Variants in RALYL observed in about 807,000 individuals in gnomAD.
RALYL encodes RNA-binding Raly-like protein.
RALYL carries 29 observed loss-of-function variants against 35.1 expected under a neutral mutation model. That is an observed-to-expected ratio of 0.83 (90% CI 0.61 to 1.13). The LOEUF is 1.13. RALYL is among the 50% of genes most tolerant of loss of function. The probability of loss-of-function intolerance (pLI) is 0.00; values close to 1 mark genes in which losing one functional copy is unlikely to be tolerated. For synonymous variants in RALYL, 120 were observed against 127.6 expected, an observed-to-expected ratio of 0.94 and a Z score of 0.40; for missense variants, 359 against 360.4, an observed-to-expected ratio of 1.00 and a Z score of 0.03.
At position 84,557,770 on chromosome 8, in the gene RALYL, GA is replaced by G. The variant is rs139628822; in HGVS notation, c.256+28203del. Among the ~76,000 whole-genome samples the G allele has an allele frequency of 6.7e-3, 973 of 144,526 alleles. 8 individuals carry two copies. Among genetic ancestry groups the G allele is most frequent in the African/African-American group, 0.022 (889 of 39,512 alleles). 94.8% of individuals were successfully genotyped at this position (144,526 alleles called of 152,430 possible). A position where few individuals can be genotyped will look rare whatever the true frequency, so the allele number is the denominator to read the frequency against. On this transcript the variant is annotated intron_variant, in intron 2 of 8. Coordinates refer to ENST00000521268, the MANE Select transcript of RALYL (RefSeq NM_173848.7). ...TTGCTATGATTTCCTGGCCTAATGA[GA>G]AAAAAAAAACAAATGCTGATTAATA...
chr8:84,547,972 T>A lies in RALYL; in HGVS notation c.256+18395T>A, dbSNP rs796660142. Among the ~76,000 whole-genome samples the A allele has an allele frequency of 2.6e-5, 4 of 152,154 alleles. No individual in the cohort carries two copies. The East Asian group carries it at 5.8e-4, about 22-fold the overall frequency. On this transcript the variant is annotated intron_variant, in intron 2 of 8. Coordinates refer to ENST00000521268, the MANE Select transcript of RALYL (RefSeq NM_173848.7). ...ATCCTCAAAGTTGTAGCCTTTATCC[T>A]TGAAGGTCACTTTTACTTGTTAGCT...
At chr8:84,241,241 C>T (rs533436487) in intron 1 of RALYL, among the ~76,000 whole-genome samples, 17 of 152,198 alleles carry the variant, frequency 1.1e-4, no homozygotes, top group African/African-American at 3.6e-4. Context: ...GTATTATTGC[C>T]GTTATTCCCA....
chr8:84,825,006 C>A (rs897771572), intron 4 of RALYL, among the ~76,000 whole-genome samples: 1 of 152,042 alleles, frequency 6.6e-6, no homozygotes. Context: ...GAAGTGGGGC[C>A]TAATGAAACT....
intron 1 of RALYL, among the ~76,000 whole-genome samples, chr8:84,348,941 C>T (rs1301915113): frequency 6.7e-6 from 1 of 149,772 alleles, no homozygotes; most frequent in Admixed American, 6.6e-5. Flanking sequence ...TTAGAGTTGC[C>T]CTCAATTGTA....
intron 1 of RALYL, among the ~76,000 whole-genome samples, chr8:84,292,784 C>A (rs1232172952): frequency 6.6e-6 from 1 of 152,130 alleles, no homozygotes; most frequent in Admixed American, 6.5e-5. Context: ...AGCATATCAT[C>A]AATAAATAAC....
chr8:84,768,257 C>T (rs1279514060), intron 2 of RALYL, among the ~76,000 whole-genome samples: 1 of 152,198 alleles, frequency 6.6e-6, no homozygotes, highest in African/African-American at 2.4e-5. Flanking sequence ...TCAAGGCCAA[C>T]AGCTCTTGAG....
intron 1 of RALYL, among the ~76,000 whole-genome samples, chr8:84,193,894 T>C (rs1454404018): frequency 6.6e-6 from 1 of 152,094 alleles, no homozygotes; most frequent in African/African-American, 2.4e-5. Flanking sequence ...GTAGTGGATA[T>C]GAAGATATAA....
At position 84,801,946 on chromosome 8, in the gene RALYL, A is replaced by AAAAT. The variant is rs565003850; in HGVS notation, c.333-2817_333-2814dup. On this transcript the variant is annotated intron_variant, in intron 3 of 8. Coordinates refer to ENST00000521268, the MANE Select transcript of RALYL (RefSeq NM_173848.7). Reference sequence around the variant, plus strand: ...ATTATTCTGAATTTCTAAATCTAGGAAAATAAATAACTTGATATGTATTAA... The same window carrying AAAAT: ...ATTATTCTGAATTTCTAAATCTAGGAAAATAAATAAATAACTTGATATGTATTAA... Among the ~76,000 whole-genome samples the AAAAT allele has an allele frequency of 5.0e-3, 762 of 152,354 alleles. 6 individuals are homozygous for AAAAT. The highest frequency in any genetic ancestry group is 6.7e-3 in the Non-Finnish European group (453 of 68,042).
intron 2 of RALYL, among the ~76,000 whole-genome samples, chr8:84,536,070 A>G (rs1000942298): frequency 1.3e-5 from 2 of 152,186 alleles, no homozygotes; most frequent in African/African-American, 4.8e-5. Flanking sequence ...AGTGCGTTTC[A>G]GGGCAATTTT....
At chr8:84,296,599 A>C (rs531574068) in intron 1 of RALYL, among the ~76,000 whole-genome samples, 1 of 147,410 alleles carries the variant, frequency 6.8e-6, no homozygotes, top group Non-Finnish European at 1.5e-5. Flanking sequence ...TCCCTAGAGC[A>C]GGAGACATCT....
intron 1 of RALYL, among the ~76,000 whole-genome samples, chr8:84,309,703 C>T (rs1265247785): frequency 2.0e-5 from 3 of 151,994 alleles, no homozygotes; most frequent in African/African-American, 7.3e-5. Context: ...ATAAAGGTAA[C>T]ACTGGAAAAA....
intron 4 of RALYL, among the ~76,000 whole-genome samples, chr8:84,813,514 C>T (rs1360431156): frequency 5.3e-5 from 8 of 152,316 alleles, no homozygotes; most frequent in African/African-American, 1.9e-4. Context: ...TGGTTTATTA[C>T]ATCAGTTGAC....
intron 2 of RALYL, among the ~76,000 whole-genome samples, chr8:84,617,883 G>T (rs1037492799): frequency 6.6e-6 from 1 of 151,760 alleles, no homozygotes; most frequent in East Asian, 1.9e-4. Flanking sequence ...CTGTCTTTAT[G>T]CTGGATTACA....
chr8:84,695,882 T>C (rs1839027955), intron 2 of RALYL, among the ~76,000 whole-genome samples: 1 of 151,874 alleles, frequency 6.6e-6, no homozygotes, highest in African/African-American at 2.4e-5. Flanking sequence ...TGCTTAATTA[T>C]TGTTACCCAT....
chr8:84,365,762 A>G (rs541358035), intron 1 of RALYL, among the ~76,000 whole-genome samples: 1 of 152,320 alleles, frequency 6.6e-6, no homozygotes, highest in East Asian at 1.9e-4. Context: ...CAGAAAATGA[A>G]TTTTTTAGAA....
intron 1 of RALYL, among the ~76,000 whole-genome samples, chr8:84,468,243 G>A (rs1359706263): frequency 6.6e-6 from 1 of 151,808 alleles, no homozygotes; most frequent in Admixed American, 6.6e-5. Context: ...TAGTCTCGAT[G>A]GTCTTTACAT....
intron 2 of RALYL, among the ~76,000 whole-genome samples, chr8:84,595,697 T>A (rs928470129): frequency 1.3e-5 from 2 of 150,656 alleles, no homozygotes; most frequent in Non-Finnish European, 3.0e-5. Flanking sequence ...TCATAGAAAA[T>A]CCATTTTCTA....
intron 1 of RALYL, among the ~76,000 whole-genome samples, chr8:84,273,615 C>A (rs1349361349): frequency 6.6e-6 from 1 of 152,188 alleles, no homozygotes; most frequent in African/African-American, 2.4e-5. Flanking sequence ...ACATGTCTGT[C>A]TTTATATGTT....
At chr8:84,829,700 G>A (rs942288918) in intron 4 of RALYL, among the ~76,000 whole-genome samples, 5 of 152,128 alleles carry the variant, frequency 3.3e-5, no homozygotes, top group Non-Finnish European at 2.9e-5. Flanking sequence ...CTTGTTATTT[G>A]TGGAAGTTAT....
Sources: gnomAD v4.1 joint callset for allele counts (sites outside exome capture counted in the v4.1 genomes callset) on GRCh38, gnomAD v4.1.1 for gene constraint, MANE v1.5 for transcripts, NCBI Gene and HGNC (gene_info 2026-07-23, HGNC 2026-07-21) for gene names.